The following FGD1 variants were observed in gnomAD, a reference collection of about 807,000 sequenced individuals.
The protein encoded by FGD1 is FYVE, RhoGEF and PH domain containing 1, also known as FYVE, RhoGEF and PH domain-containing protein 1.
In FGD1, 12 loss-of-function variants were observed where a neutral mutation model predicts 65.0. The ratio of observed to expected loss-of-function variants is 0.18; its 90% CI spans 0.12 to 0.30. The LOEUF is 0.30. Among genes scored for constraint, FGD1 ranks in the 10% least tolerant of loss-of-function variants. The pLI is 1.00. For missense variants in FGD1, 542 were observed against 837.6 expected (o/e 0.65, Z 4.36); for synonymous variants, 333 against 343.9 (o/e 0.97, Z 0.35).
chrX:54,476,518 T>C (rs775967068), intron 1 of FGD1, among the ~76,000 whole-genome samples: 73 of 108,941 alleles, frequency 6.7e-4, no homozygotes, highest in Non-Finnish European at 1.1e-3. Context: ...TGGCTGGCTA[T>C]TTTTAATTTT....
rs765697107 is a variant in FGD1 at position 54,455,779 on chromosome X, G to A, written c.1848C>T (p.Asn616=). 15 of 1,177,964 alleles carry A rather than the reference G, an allele frequency of 1.3e-5. No homozygotes were observed. The Admixed American group carries it at 1.5e-4, about 11-fold the overall frequency. The part of the protein sequence containing the change: ...TTQDRYLILF[N]DRLLYCVPRL... ...TGGGCACGCAGTAAAGGAGGCGGTC[G>A]TTGAACTAGGAAGGAAAAAGTTTGG... The change falls in exon 11 of 18, where the codon AAC becomes AAT. Residue 616 remains asparagine (N), a synonymous_variant. Coordinates refer to ENST00000375135, the MANE Select transcript of FGD1 (RefSeq NM_004463.3).
chrX:54,474,207 A>G (rs1212894482), intron 1 of FGD1, among the ~76,000 whole-genome samples: 1 of 111,851 alleles, frequency 8.9e-6, no homozygotes, highest in African/African-American at 3.3e-5. Context: ...AGGAATACAC[A>G]CACTGTGGGA....
Position 54,467,847 on chromosome X carries a change from C to A in FGD1, c.1277G>T (p.Cys426Phe). 8.5e-7 allele frequency: 1 copy of A among 1,170,816 alleles called. No individual in the cohort carries two copies. Among genetic ancestry groups the A allele is most frequent in the Non-Finnish European group, 1.1e-6 (1 of 874,327 alleles). Residue 426 changes from cysteine (C) to phenylalanine (F), a missense_variant, in exon 6 of 18, where the codon TGC becomes TTC. Physicochemically the swap from Cys to Phe is radical, Grantham distance 205. Coordinates refer to ENST00000375135, the MANE Select transcript of FGD1 (RefSeq NM_004463.3). ...CTGCTGGTGGAAGCAATAGATGGAGCAGATGTTAGAGAAGATGCCGTGGAC... is the reference window on the plus strand; with the variant it reads ...CTGCTGGTGGAAGCAATAGATGGAGAAGATGTTAGAGAAGATGCCGTGGAC... ...DVVHGIFSNICSIYCFHQQFL... is the reference protein window; with the variant it reads ...DVVHGIFSNIFSIYCFHQQFL...
Position 54,455,677 on chromosome X carries a change from C to T in FGD1, c.1935+15G>A. 8.5e-7 allele frequency: 1 copy of T among 1,180,194 alleles called. No homozygotes were observed. The highest frequency in any genetic ancestry group is 1.1e-6 in the Non-Finnish European group (1 of 874,300). ...CCCACTCCAAGTTCCCATTTCCCAC[C>T]TCTTGGATGCTTACCTCCATGCCAT... On this transcript the variant is annotated intron_variant, in intron 11 of 17. Coordinates refer to ENST00000375135, the MANE Select transcript of FGD1 (RefSeq NM_004463.3).
chrX:54,465,652 G>A (rs1316165911), intron 7 of FGD1, 44 bp downstream of exon 7: 3 of 1,211,196 alleles, frequency 2.5e-6, no homozygotes, highest in East Asian at 5.9e-5. Context: ...CATCCCTGCA[G>A]ACCTCTCCTC....
At position 54,489,319 on chromosome X, in the gene FGD1, C is replaced by T. The variant is rs193039626; in HGVS notation, c.307+5807G>A. On this transcript the variant is annotated intron_variant, in intron 1 of 17. Transcript: ENST00000375135. The stretch of plus-strand genomic sequence containing the variant: ...AACATCAGCCAGGCGTGGTGGCTCA[C>T]GCCTATAATCCTAGCATTTTGGGAG... Among the ~76,000 whole-genome samples the T allele has an allele frequency of 9.8e-5, 11 of 112,661 alleles. No individual in the cohort carries two copies. In the East Asian group the frequency reaches 1.4e-3, roughly 14 times the overall value.
chrX:54,448,880 C>T lies in FGD1; in HGVS notation c.2362G>A (p.Ala788Thr). 1 of 1,211,780 alleles carries T rather than the reference C, an allele frequency of 8.3e-7. No individual in the cohort carries two copies. The highest frequency in any genetic ancestry group is 1.1e-6 in the Non-Finnish European group (1 of 895,343). ...CTGCTCCCAGGCACCCCGTGCAAGGCCACATAGCAATCAGTGCACACACGG... is the reference window on the plus strand; with the variant it reads ...CTGCTCCCAGGCACCCCGTGCAAGGTCACATAGCAATCAGTGCACACACGG... ...SNRVCTDCYV[A>T]LHGVPGSSPA... is the part of the protein sequence containing the mutation. The change falls in exon 16 of 18, where the codon GCC (alanine) becomes ACC (threonine). Residue 788 changes from alanine to threonine, a missense_variant. Physicochemically the swap from Ala to Thr is moderately conservative, Grantham distance 58 (BLOSUM62 0). Coordinates refer to ENST00000375135, the MANE Select transcript of FGD1 (RefSeq NM_004463.3).
rs895572227 is a variant in FGD1 at position 54,465,380 on chromosome X, C to T, written c.1636+71G>A. The T allele has an allele frequency of 1.0e-4, 113 of 1,093,076 alleles. No individual in the cohort carries two copies. In the African/African-American group the frequency reaches 1.7e-3, roughly 17 times the overall value. 90.1% of individuals were successfully genotyped at this position (1,093,076 alleles called of 1,213,427 possible). ...GACCCTGTGAATTAAGTCTTGGGGT[C>T]CTGCCTCAGAGGTCTGGCCTAGAGC... is the stretch of plus-strand genomic sequence containing the variant. On this transcript the variant is annotated intron_variant, in intron 8 of 17. Coordinates refer to ENST00000375135, the MANE Select transcript of FGD1 (RefSeq NM_004463.3).
intron 1 of FGD1, among the ~76,000 whole-genome samples, chrX:54,472,392 G>A (rs1922915994): frequency 9.0e-6 from 1 of 111,212 alleles, no homozygotes; most frequent in Non-Finnish European, 1.9e-5. Flanking sequence ...TTCCACCTCT[G>A]CCACACACAC....
chrX:54,446,632 C>T (rs1922192820), intron 17 of FGD1, among the ~76,000 whole-genome samples: 1 of 108,909 alleles, frequency 9.2e-6, no homozygotes, highest in Admixed American at 9.9e-5. Flanking sequence ...CCACCCCCGC[C>T]TCTTCTCACA....
rs1179897715 is a variant in FGD1 at position 54,482,230 on chromosome X, A to ACG, written c.308-10745_308-10744dup. Among the ~76,000 whole-genome samples, 310 of 102,157 alleles carry ACG rather than the reference A, an allele frequency of 3.0e-3. 2 individuals are homozygous for ACG. Among genetic ancestry groups the ACG allele is most frequent in the African/African-American group, 0.011 (287 of 26,634 alleles). The allele number at this position is 102,157 out of a possible 115,157, so 88.7% of individuals were successfully genotyped here. On this transcript the variant is annotated intron_variant, in intron 1 of 17. Transcript: ENST00000375135. ...GAAGGCCAGGCACATGCGCGCGCAC[A>ACG]CGCGCGCACACACACACACACACAC...
chrX:54,446,983 C>CG (rs1922218115), intron 17 of FGD1, among the ~76,000 whole-genome samples: 1 of 111,218 alleles, frequency 9.0e-6, no homozygotes, highest in African/African-American at 3.3e-5. Context: ...CTCGGCCTCT[C>CG]AGAGTGCTGG....
intron 13 of FGD1, 60 bp from the exon 14 acceptor site, chrX:54,449,820 C>G (rs1719448053): frequency 1.2e-6 from 1 of 810,424 alleles, no homozygotes. Flanking sequence ...CCATTTCTAC[C>G]CTCGCCTCAC....
In FGD1 at chrX:54,482,279, G is replaced by A. The variant is rs374391780; in HGVS notation, c.308-10792C>T. Among the ~76,000 whole-genome samples the A allele has an allele frequency of 9.7e-5, 9 of 92,918 alleles. No homozygotes were observed. The East Asian group carries it at 2.4e-3, about 25-fold the overall frequency. 80.7% of individuals were successfully genotyped at this position (92,918 alleles called of 115,157 possible). On this transcript the variant is annotated intron_variant, in intron 1 of 17. Coordinates refer to ENST00000375135, the MANE Select transcript of FGD1 (RefSeq NM_004463.3). ...ACACACACACACACAGACAAACCAA[G>A]CAGCCACATGAGAGCACAAGCAGCC... is the stretch of plus-strand genomic sequence containing the variant.
rs376775576 is a variant in FGD1 at position 54,492,607 on chromosome X, A to G, written c.307+2519T>C. On this transcript the variant is annotated intron_variant, in intron 1 of 17. Coordinates refer to ENST00000375135, the MANE Select transcript of FGD1 (RefSeq NM_004463.3). ...GGTGGCCTCTCACAACCCATGCTGC[A>G]GTGAATCACATGGCCCGGCGCCCGC... Among the ~76,000 whole-genome samples the G allele has an allele frequency of 2.7e-4, 30 of 112,572 alleles. No homozygotes were observed. The South Asian group carries it at 4.8e-3, about 18-fold the overall frequency.
At chrX:54,471,026 A>T (rs1047475206) in intron 2 of FGD1, among the ~76,000 whole-genome samples, 11 of 104,604 alleles carry the variant, frequency 1.1e-4, no homozygotes, top group African/African-American at 3.7e-4. Flanking sequence ...AAAAAAAAAA[A>T]GCTGGATTTG....
Position 54,449,251 on chromosome X carries a change from C to T in FGD1, c.2166G>A (p.Lys722=), listed in dbSNP as rs778098840. 2 of 1,211,972 alleles carry T rather than the reference C, an allele frequency of 1.7e-6. No individual in the cohort carries two copies. The highest frequency in any genetic ancestry group is 2.2e-6 in the Non-Finnish European group (2 of 895,503). Reference sequence around the variant, plus strand: ...TTTCCCGGATGGGCGTAGGTGCCCGCTTCCCAAGATCCACGTTCTGTAGGG... The same window carrying T: ...TTTCCCGGATGGGCGTAGGTGCCCGTTTCCCAAGATCCACGTTCTGTAGGG... ...PPNSPNVDLG[K]RAPTPIREKE... Residue 722 remains lysine (K), a synonymous_variant, in exon 15 of 18, where the codon AAG becomes AAA. Transcript: ENST00000375135.
At chrX:54,488,723 T>C (rs1421130874) in intron 1 of FGD1, among the ~76,000 whole-genome samples, 1 of 111,166 alleles carries the variant, frequency 9.0e-6, no homozygotes, top group African/African-American at 3.3e-5. Flanking sequence ...TGGAACAGAA[T>C]AGAGAGCCCA....
intron 1 of FGD1, among the ~76,000 whole-genome samples, chrX:54,474,038 T>C (rs1336691763): frequency 9.0e-6 from 1 of 110,643 alleles, no homozygotes; most frequent in African/African-American, 3.3e-5. Flanking sequence ...GCAAACAACA[T>C]GCCATTTTAT....
Sources: allele counts gnomAD v4.1 joint callset (sites outside exome capture counted in the v4.1 genomes callset), GRCh38; gene constraint gnomAD v4.1.1; transcripts MANE v1.5; gene names NCBI Gene and HGNC (gene_info 2026-07-23, HGNC 2026-07-21).